AGMO: variants seen among roughly 807,000 people sequenced by gnomAD.
AGMO encodes the protein glyceryl-ether monooxygenase.
Under a neutral mutation model 60.2 loss-of-function variants are expected in AGMO, and 75 were observed. The observed-to-expected ratio is 1.25, with a 90% CI of 1.03 to 1.51. AGMO has a LOEUF of 1.51. Ranked by LOEUF, AGMO falls within the 40% of genes most tolerant of loss-of-function variation. The probability of loss-of-function intolerance (pLI) is 0.00; values close to 1 mark genes in which losing one functional copy is unlikely to be tolerated. For synonymous variants in AGMO, 261 were observed against 177.1 expected (o/e 1.47, Z -3.76); for missense variants, 763 against 525.5 (o/e 1.45, Z -4.42).
At chr7:15,229,206 A>G (rs10253882) in intron 12 of AGMO, among the ~76,000 whole-genome samples, 1 of 151,694 alleles carries the variant, frequency 6.6e-6, no homozygotes, top group East Asian at 1.9e-4. Flanking sequence ...TTGGACAACA[A>G]CTCTTCACTT....
At chr7:15,179,993 TG>T in the AGMO span, among the ~76,000 whole-genome samples, 1 of 152,144 alleles carries the variant, frequency 6.6e-6, no homozygotes, top group Non-Finnish European at 1.5e-5. Flanking sequence ...GGGCATTCTC[TG>T]GGGGCATATC....
the AGMO span, among the ~76,000 whole-genome samples, chr7:15,138,112 C>A: frequency 6.6e-6 from 1 of 152,130 alleles, no homozygotes; most frequent in Non-Finnish European, 1.5e-5. Flanking sequence ...ACCAGCCCCC[C>A]AAAAAGTTAG....
At chr7:15,481,789 A>ATTTTTTTTTTT (rs5882513) in intron 3 of AGMO, among the ~76,000 whole-genome samples, 2 of 98,704 alleles carry the variant, frequency 2.0e-5, no homozygotes, top group Non-Finnish European at 4.1e-5. Flanking sequence ...GACTAAATGT[A>ATTTTTTTTTTT]TTTTTTTTTT....
chr7:15,335,886 A>T (rs1781643568), intron 12 of AGMO, among the ~76,000 whole-genome samples: 2 of 152,194 alleles, frequency 1.3e-5, no homozygotes, highest in Admixed American at 1.3e-4. Context: ...AATAGATCAC[A>T]CTAAACCAAA....
chr7:15,241,983 C>T (rs888640364), intron 12 of AGMO, among the ~76,000 whole-genome samples: 2 of 152,124 alleles, frequency 1.3e-5, no homozygotes, highest in African/African-American at 4.8e-5. Context: ...ATATTTCCTC[C>T]CTCAATCTTA....
intron 6 of AGMO, among the ~76,000 whole-genome samples, chr7:15,392,218 G>A (rs557908218): frequency 1.3e-5 from 2 of 151,666 alleles, no homozygotes; most frequent in African/African-American, 2.4e-5. Flanking sequence ...CGCAGGTGCC[G>A]GCCACTATAC....
At chr7:15,293,791 C>T (rs958060803) in intron 12 of AGMO, among the ~76,000 whole-genome samples, 2 of 152,182 alleles carry the variant, frequency 1.3e-5, no homozygotes, top group African/African-American at 4.8e-5. Context: ...AAGTGCCTTG[C>T]TTAAAATAAC....
intron 12 of AGMO, among the ~76,000 whole-genome samples, chr7:15,230,513 C>T (rs1286113119): frequency 6.6e-6 from 1 of 152,152 alleles, no homozygotes; most frequent in African/African-American, 2.4e-5. Flanking sequence ...ACTTGGTGCA[C>T]AGAGAGTGTA....
intron 12 of AGMO, among the ~76,000 whole-genome samples, chr7:15,348,930 C>A (rs1207496037): frequency 1.3e-5 from 2 of 152,086 alleles, no homozygotes; most frequent in African/African-American, 4.8e-5. Flanking sequence ...AATAGAACCT[C>A]AAAGTTCTTC....
At chr7:15,198,237 G>GTGTTAA (rs1781178566), downstream of AGMO, among the ~76,000 whole-genome samples, 1 of 112,710 alleles carries the variant, frequency 8.9e-6, no homozygotes, top group Admixed American at 9.6e-5. Flanking sequence ...GAGAGAGAGA[G>GTGTTAA]AGAGAGAGAG....
chr7:15,458,671 T>C (rs10233659), intron 3 of AGMO, among the ~76,000 whole-genome samples: 149 of 152,312 alleles, frequency 9.8e-4, no homozygotes, highest in African/African-American at 3.5e-3. Flanking sequence ...TACTTTCACA[T>C]ACATCGCCAC....
At chr7:15,505,385 T>A (rs188610746) in intron 3 of AGMO, among the ~76,000 whole-genome samples, 1 of 152,090 alleles carries the variant, frequency 6.6e-6, no homozygotes, top group East Asian at 1.9e-4. Flanking sequence ...AACGTGTCTG[T>A]CTGGTTGAAA....
At chr7:15,281,686 C>T (rs1394750145) in intron 12 of AGMO, among the ~76,000 whole-genome samples, 2 of 152,154 alleles carry the variant, frequency 1.3e-5, no homozygotes, top group Admixed American at 6.5e-5. Flanking sequence ...ATTTGCAATA[C>T]CCATTGATGG....
intron 12 of AGMO, among the ~76,000 whole-genome samples, chr7:15,210,537 G>A (rs1057359181): frequency 2.0e-5 from 3 of 152,036 alleles, no homozygotes; most frequent in Non-Finnish European, 4.4e-5. Flanking sequence ...TTTAAAAAAT[G>A]ATTCCTATAT....
intron 3 of AGMO, among the ~76,000 whole-genome samples, chr7:15,526,489 ATACTTTCCAT>A (rs1784131459): frequency 1.3e-5 from 2 of 152,216 alleles, no homozygotes; most frequent in Admixed American, 1.3e-4. Flanking sequence ...AAACCAATGT[ATACTTTCCAT>A]GCATTGAGTT....
chr7:15,243,547 T>C (rs1419062692), intron 12 of AGMO, among the ~76,000 whole-genome samples: 3 of 152,142 alleles, frequency 2.0e-5, no homozygotes, highest in Non-Finnish European at 4.4e-5. Context: ...TAAGCTGAGA[T>C]GAGTTTGCAT....
chr7:15,389,669 G>A (rs1270169672), intron 8 of AGMO, among the ~76,000 whole-genome samples: 1 of 152,140 alleles, frequency 6.6e-6, no homozygotes, highest in Non-Finnish European at 1.5e-5. Context: ...CTTGGGCTTA[G>A]CCTTTCAATC....
rs535476620 is a variant in AGMO, at chr7:15,326,383, T to G, written c.1263+39131A>C. ...TATAGCGTCTTGGCAAAATGTAAATTGATGAAAAGTGAACATGACTTCTCT... is the reference window on the plus strand; with the variant it reads ...TATAGCGTCTTGGCAAAATGTAAATGGATGAAAAGTGAACATGACTTCTCT... On this transcript the variant is annotated intron_variant, in intron 12 of 12. Coordinates refer to ENST00000342526, the MANE Select transcript of AGMO (RefSeq NM_001004320.2). Among the ~76,000 whole-genome samples the G allele has an allele frequency of 1.4e-4, 22 of 152,280 alleles. No individual in the cohort carries two copies. In the South Asian group the frequency reaches 4.6e-3, roughly 32 times the overall value.
intron 5 of AGMO, among the ~76,000 whole-genome samples, chr7:15,406,596 T>G: frequency 1.1e-5 from 1 of 94,588 alleles, no homozygotes; most frequent in Non-Finnish European, 2.1e-5. Context: ...ACACGTATAT[T>G]CCATATAAGT....
Sources: gnomAD v4.1 joint callset for allele counts (sites outside exome capture counted in the v4.1 genomes callset) on GRCh38, gnomAD v4.1.1 for gene constraint, MANE v1.5 for transcripts, NCBI Gene and HGNC (gene_info 2026-07-23, HGNC 2026-07-21) for gene names.